Variants in DLG5 observed in about 807,000 individuals in gnomAD.
DLG5 encodes the protein discs large MAGUK scaffold protein 5.
Under a neutral mutation model 189.8 loss-of-function variants are expected in DLG5, and 48 were observed. The observed-to-expected ratio is 0.25, with a 90% confidence interval of 0.20 to 0.32. DLG5 has a LOEUF of 0.32. Ranked by LOEUF, DLG5 falls within the 10% of genes least tolerant of loss-of-function variation. The pLI is 1.00. For synonymous variants in DLG5, 1,016 were observed against 1,054.1 expected (o/e 0.96, Z 0.70); for missense variants, 2,160 against 2,544.7 (o/e 0.85, Z 3.25).
intron 1 of DLG5, among the ~76,000 whole-genome samples, chr10:77,877,857 A>G (rs539244952): frequency 6.6e-6 from 1 of 152,018 alleles, no homozygotes; most frequent in African/African-American, 2.4e-5. Context: ...GAAGGAGTGG[A>G]GCAGCGCCTC....
chr10:77,865,553 G>A (rs1844640446), intron 2 of DLG5, among the ~76,000 whole-genome samples: 1 of 152,182 alleles, frequency 6.6e-6, no homozygotes, highest in African/African-American at 2.4e-5. Flanking sequence ...GCCCAAGAAT[G>A]TCTCTTCTCC....
At chr10:77,868,767 G>T in intron 2 of DLG5, 1 of 291,968 alleles carries the variant, frequency 3.4e-6, no homozygotes, top group East Asian at 1.1e-4. Flanking sequence ...GACTGGCAAT[G>T]CCTATCCCCA....
rs1282713034 is a variant in DLG5 at position 77,817,033 on chromosome 10, G to A, written c.3848C>T (p.Pro1283Leu). ...RIKIPSTPRY[P>L]RSVVGSERGS... is the part of the protein sequence containing the mutation. ...TCTCTCGGAGCCCACGACACTCCGCGGATATCTTGGTGTTGATGGGATTTT... is the reference window on the plus strand; with the variant it reads ...TCTCTCGGAGCCCACGACACTCCGCAGATATCTTGGTGTTGATGGGATTTT... Residue 1283 changes from proline (P) to leucine (L), a missense_variant, in exon 19 of 32, where the codon CCG becomes CTG. Coordinates refer to ENST00000372391, the MANE Select transcript of DLG5 (RefSeq NM_004747.4). 17 of 1,614,140 alleles carry A rather than the reference G, an allele frequency of 1.1e-5. No homozygotes were observed. Among genetic ancestry groups the A allele is most frequent in the South Asian group, 3.3e-5 (3 of 91,078 alleles).
At chr10:77,847,054 C>T (rs945637488) in intron 5 of DLG5, among the ~76,000 whole-genome samples, 2 of 152,052 alleles carry the variant, frequency 1.3e-5, no homozygotes, top group Admixed American at 1.3e-4. Flanking sequence ...GGCCTGGATC[C>T]GGGCCTGTGT....
Position 77,824,423 on chromosome 10 carries a change from C to A in DLG5, c.2343G>T (p.Leu781=). Residue 781 remains leucine, a synonymous_variant, in exon 14 of 32, where the codon CTG becomes CTT. Transcript: ENST00000372391. The stretch of plus-strand genomic sequence containing the variant: ...GGGTCAGGGAGTCCTGGCAGCTGCG[C>A]AGCAGAGATTCACATTCATTCAGAG... ...NKSLNECESL[L]RSCQDSLTLS... The A allele has an allele frequency of 6.2e-7, 1 of 1,614,080 alleles. No individual in the cohort carries two copies. Among genetic ancestry groups the A allele is most frequent in the Non-Finnish European group, 8.5e-7 (1 of 1,179,976 alleles).
intron 1 of DLG5, among the ~76,000 whole-genome samples, chr10:77,873,352 T>C (rs936961982): frequency 6.6e-6 from 1 of 151,874 alleles, no homozygotes; most frequent in Admixed American, 6.6e-5. Context: ...AGTCCACAGG[T>C]GGGATGCACA....
At chr10:77,872,854 CAGG>C (rs1408035004) in intron 1 of DLG5, among the ~76,000 whole-genome samples, 1 of 152,014 alleles carries the variant, frequency 6.6e-6, no homozygotes, top group Non-Finnish European at 1.5e-5. Context: ...TGGCCCAATC[CAGG>C]AGGAGACAAT....
In DLG5 at chr10:77,805,735, G is replaced by A. The variant is rs746864916; in HGVS notation, c.5094C>T (p.Ser1698=). The A allele has an allele frequency of 2.0e-5, 32 of 1,613,960 alleles. No homozygotes were observed. Among genetic ancestry groups the A allele is most frequent in the African/African-American group, 6.7e-5 (5 of 74,888 alleles). ...GCAGGTCTTTCCCGTCCTTGGACCC[G>A]CTGCGTTTGTGCTTGTGTTTCCTCC... ...FFRRKHKHKR[S]GSKDGKDLLA... is the part of the protein sequence containing the mutation. Residue 1698 remains serine, a synonymous_variant, in exon 27 of 32, where the codon AGC becomes AGT. Coordinates refer to ENST00000372391, the MANE Select transcript of DLG5 (RefSeq NM_004747.4).
Position 77,903,906 on chromosome 10 carries a change from A to G in DLG5, c.304+22311T>C, listed in dbSNP as rs185062816. On this transcript the variant is annotated intron_variant, in intron 1 of 31. Coordinates refer to ENST00000372391, the MANE Select transcript of DLG5 (RefSeq NM_004747.4). ...ACTGCAGATGGCATCTACATACACC[A>G]TGAAGGTGATAGAACTCCTTCCCTG... 6.2e-4 allele frequency among the ~76,000 whole-genome samples: 94 copies of G among 152,322 alleles called. 1 individual carries two copies. Among genetic ancestry groups the G allele is most frequent in the African/African-American group, 2.3e-3 (94 of 41,574 alleles).
chr10:77,839,311 G>T (rs1843304800), intron 7 of DLG5, among the ~76,000 whole-genome samples: 1 of 152,132 alleles, frequency 6.6e-6, no homozygotes, highest in African/African-American at 2.4e-5. Context: ...GACTAGCCTG[G>T]CCAACAGAGC....
chr10:77,877,933 C>T (rs1241170456), intron 1 of DLG5, among the ~76,000 whole-genome samples: 2 of 152,184 alleles, frequency 1.3e-5, no homozygotes, highest in Admixed American at 6.5e-5. Flanking sequence ...AGCAGGGGCA[C>T]CCAAGAGGCA....
chr10:77,892,396 T>C (rs1262002), intron 1 of DLG5, among the ~76,000 whole-genome samples: 98,456 of 152,112 alleles, frequency 0.65, 32,179 homozygotes, highest in African/African-American at 0.7. Context: ...CCTCCCTCTG[T>C]ATCTGACTTG....
intron 7 of DLG5, 150 bp from the exon 8 acceptor site, chr10:77,836,072 G>C: frequency 1.4e-6 from 1 of 739,468 alleles, no homozygotes. Context: ...CATACCCCCA[G>C]TGACTGCACC....
At chr10:77,876,117 G>T (rs1179697029) in intron 1 of DLG5, among the ~76,000 whole-genome samples, 1 of 151,782 alleles carries the variant, frequency 6.6e-6, no homozygotes, top group East Asian at 1.9e-4. Flanking sequence ...CCTCAACTGA[G>T]ATAATGCTAT....
intron 5 of DLG5, among the ~76,000 whole-genome samples, chr10:77,847,957 T>C (rs1843776378): frequency 6.6e-6 from 1 of 152,150 alleles, no homozygotes; most frequent in African/African-American, 2.4e-5. Context: ...TACACCCACT[T>C]TGGCTTCCCA....
intron 1 of DLG5, among the ~76,000 whole-genome samples, chr10:77,917,855 C>T (rs558625373): frequency 4.0e-5 from 6 of 148,456 alleles, no homozygotes; most frequent in East Asian, 4.1e-4. Flanking sequence ...GGTGAAACCC[C>T]GTCTCTACTA....
intron 1 of DLG5, among the ~76,000 whole-genome samples, chr10:77,890,787 G>A (rs1459629114): frequency 1.3e-5 from 2 of 152,138 alleles, no homozygotes; most frequent in Non-Finnish European, 2.9e-5. Context: ...CCTCCAGAGG[G>A]AGCTTCCCAG....
At chr10:77,902,656 C>T (rs1800188843) in intron 1 of DLG5, among the ~76,000 whole-genome samples, 3 of 151,838 alleles carry the variant, frequency 2.0e-5, no homozygotes, top group African/African-American at 4.8e-5. Flanking sequence ...GTCAGGAGAT[C>T]GAGACCATCC....
intron 20 of DLG5, among the ~76,000 whole-genome samples, chr10:77,815,268 C>T (rs1841994063): frequency 1.3e-5 from 2 of 152,240 alleles, no homozygotes; most frequent in East Asian, 1.9e-4. Flanking sequence ...CACCCGATTC[C>T]CCTACTGGGG....
Sources: allele counts gnomAD v4.1 joint callset (sites outside exome capture counted in the v4.1 genomes callset), GRCh38; gene constraint gnomAD v4.1.1; transcripts MANE v1.5; gene names NCBI Gene and HGNC (gene_info 2026-07-23, HGNC 2026-07-21).